LIPI: variants seen among roughly 807,000 people sequenced by gnomAD.
LIPI encodes lipase member I.
LIPI carries 59 observed loss-of-function variants against 50.6 expected under a neutral mutation model. The observed-to-expected ratio is 1.16, with a 90% CI of 0.94 to 1.45. The LOEUF is 1.45. LIPI is among the 40% of genes most tolerant of loss of function. The pLI, the probability that LIPI is intolerant of heterozygous loss-of-function variation, is 0.00. For synonymous variants in LIPI, 203 were observed against 178.2 expected, an observed-to-expected ratio of 1.14 and a Z score of -1.11; for missense variants, 586 against 536.3, an observed-to-expected ratio of 1.09 and a Z score of -0.92.
At chr21:14,176,734 G>GTTTTTTTTTTTT (rs2019111075) in intron 4 of LIPI, among the ~76,000 whole-genome samples, 1 of 126,504 alleles carries the variant, frequency 7.9e-6, no homozygotes, top group African/African-American at 2.8e-5. Context: ...TTTTTTTTTG[G>GTTTTTTTTTTTT]TTACATTTCG....
intron 9 of LIPI, among the ~76,000 whole-genome samples, chr21:14,140,085 G>A (rs2017649530): frequency 1.3e-5 from 2 of 152,060 alleles, no homozygotes; most frequent in East Asian, 3.9e-4. Context: ...ACTTTTAAAA[G>A]GGTCACTCTG....
In LIPI at chr21:14,111,712, T is replaced by C. The variant is rs568834071; in HGVS notation, c.1296-2632A>G. Among the ~76,000 whole-genome samples the C allele has an allele frequency of 4.6e-5, 7 of 152,280 alleles. No individual in the cohort carries two copies. The South Asian group carries it at 1.2e-3, about 27-fold the overall frequency. On this transcript the variant is annotated intron_variant, in intron 9 of 9. Coordinates refer to ENST00000681601, the MANE Select transcript of LIPI (RefSeq NM_001302998.2). ...TCCTTATATTTTCTTCTAGCAAGTT[T>C]ATAGTTTCAAGCCTTAGATTTTAGT...
At chr21:14,207,463 TAGTC>T (rs10553728) in intron 1 of LIPI, among the ~76,000 whole-genome samples, 11,645 of 152,092 alleles carry the variant, frequency 0.077, 791 homozygotes, top group East Asian at 0.25. Flanking sequence ...AAAAACAAGA[TAGTC>T]AGCAACTCAT....
At chr21:14,202,744 A>T (rs1476183265) in intron 1 of LIPI, among the ~76,000 whole-genome samples, 1 of 152,204 alleles carries the variant, frequency 6.6e-6, no homozygotes, top group Non-Finnish European at 1.5e-5. Context: ...AAGAAAACCT[A>T]GGCCATACCA....
chr21:14,111,323 C>T (rs936822520), intron 9 of LIPI, among the ~76,000 whole-genome samples: 7 of 151,958 alleles, frequency 4.6e-5, no homozygotes, highest in Non-Finnish European at 1.0e-4. Context: ...TTTTAATTTG[C>T]GTTTCCCTCA....
intron 4 of LIPI, among the ~76,000 whole-genome samples, chr21:14,179,077 A>C (rs2019185272): frequency 6.6e-6 from 1 of 152,196 alleles, no homozygotes; most frequent in Non-Finnish European, 1.5e-5. Context: ...TGTTTTGCAA[A>C]CCCAATATGA....
At chr21:14,140,453 TCA>T (rs1209095579) in intron 9 of LIPI, among the ~76,000 whole-genome samples, 1 of 152,134 alleles carries the variant, frequency 6.6e-6, no homozygotes, top group Non-Finnish European at 1.5e-5. Context: ...AAAAGTTTTC[TCA>T]GTTTACTTTT....
intron 8 of LIPI, among the ~76,000 whole-genome samples, chr21:14,152,075 A>AT (rs1378880924): frequency 7.9e-5 from 4 of 50,868 alleles, no homozygotes; most frequent in South Asian, 1.1e-3. Flanking sequence ...AACTTATTTT[A>AT]TTTATTTATT....
At chr21:14,200,785 C>CA (rs761023117) in intron 1 of LIPI, among the ~76,000 whole-genome samples, 3 of 151,812 alleles carry the variant, frequency 2.0e-5, no homozygotes, top group East Asian at 3.9e-4. Flanking sequence ...CACATGGAAC[C>CA]AAAAAAGGGC....
At chr21:14,184,489 T>TA (rs199740309) in intron 3 of LIPI, among the ~76,000 whole-genome samples, 1 of 152,010 alleles carries the variant, frequency 6.6e-6, no homozygotes, top group African/African-American at 2.4e-5. Context: ...TAATAAAATT[T>TA]AAAAAAAATT....
At chr21:14,199,910 A>G (rs1291544414) in intron 1 of LIPI, among the ~76,000 whole-genome samples, 1 of 152,136 alleles carries the variant, frequency 6.6e-6, no homozygotes, top group Admixed American at 6.6e-5. Context: ...CACCATGATC[A>G]AGTAGGCTTT....
intron 1 of LIPI, among the ~76,000 whole-genome samples, chr21:14,208,863 G>T (rs2020292918): frequency 1.3e-5 from 2 of 152,130 alleles, no homozygotes; most frequent in South Asian, 2.1e-4. Context: ...ACCAGCCTGG[G>T]TAACATAGTG....
At chr21:14,164,646 C>A (rs2018611817) in intron 6 of LIPI, among the ~76,000 whole-genome samples, 1 of 152,134 alleles carries the variant, frequency 6.6e-6, no homozygotes, top group South Asian at 2.1e-4. Flanking sequence ...CTCTGAAATT[C>A]TTTCCAGTTC....
intron 9 of LIPI, among the ~76,000 whole-genome samples, chr21:14,142,089 A>C (rs1291013958): frequency 2.0e-5 from 3 of 152,156 alleles, no homozygotes; most frequent in Non-Finnish European, 4.4e-5. Flanking sequence ...TTTACAGCCT[A>C]GCCTTAGTGG....
chr21:14,201,584 C>A (rs573010362), intron 1 of LIPI, among the ~76,000 whole-genome samples: 1 of 152,072 alleles, frequency 6.6e-6, no homozygotes, highest in South Asian at 2.1e-4. Context: ...ACGACAAAAA[C>A]CATATGATTA....
At chr21:14,197,598 A>G (rs181928628) in intron 1 of LIPI, among the ~76,000 whole-genome samples, 23 of 152,242 alleles carry the variant, frequency 1.5e-4, no homozygotes, top group African/African-American at 5.5e-4. Flanking sequence ...ACAAAACCTC[A>G]GAGAAATATG....
intron 4 of LIPI, among the ~76,000 whole-genome samples, chr21:14,174,902 G>C (rs2019042404): frequency 6.6e-6 from 1 of 152,170 alleles, no homozygotes; most frequent in African/African-American, 2.4e-5. Flanking sequence ...CTATAGTTTA[G>C]ATTTCACCTT....
At chr21:14,191,831 C>G (rs1440048064) in intron 1 of LIPI, among the ~76,000 whole-genome samples, 2 of 152,166 alleles carry the variant, frequency 1.3e-5, no homozygotes, top group African/African-American at 4.8e-5. Context: ...GCTTGGACGT[C>G]CTAACCTCTG....
rs148726707 is a variant in LIPI at position 14,118,657 on chromosome 21, T to G, written c.1296-9577A>C. On this transcript the variant is annotated intron_variant, in intron 9 of 9. Transcript: ENST00000681601. ...GTTGCCAGGAGTATGGAAGAAGATA[T>G]AGTGTGGCTGAAAGAGAAAAACTAT... Among the ~76,000 whole-genome samples the G allele has an allele frequency of 1.6e-3, 244 of 152,262 alleles. 1 individual carries two copies. The highest frequency in any genetic ancestry group is 5.5e-3 in the African/African-American group (230 of 41,554).
Sources: gnomAD v4.1 joint callset for allele counts (sites outside exome capture counted in the v4.1 genomes callset) on GRCh38, gnomAD v4.1.1 for gene constraint, MANE v1.5 for transcripts, NCBI Gene and HGNC (gene_info 2026-07-23, HGNC 2026-07-21) for gene names.